RABGAP1: variants seen among roughly 807,000 people sequenced by gnomAD.
RABGAP1 encodes RAB GTPase activating protein 1, also known as rab GTPase-activating protein 1.
A neutral mutation model predicts 137.6 loss-of-function variants in RABGAP1; 23 were observed. The observed-to-expected ratio is 0.17, with a 90% CI of 0.12 to 0.24. RABGAP1 has a LOEUF of 0.24. Among genes scored for constraint, RABGAP1 ranks in the 10% least tolerant of loss-of-function variants. The pLI is 1.00. For synonymous variants in RABGAP1, 451 were observed against 450.7 expected, an observed-to-expected ratio of 1.00 and a Z score of -0.01; for missense variants, 906 against 1,275.8, an observed-to-expected ratio of 0.71 and a Z score of 4.42.
chr9:123,035,338 A>G, intron 13 of RABGAP1: 1 of 1,614,100 alleles, frequency 6.2e-7, no homozygotes, highest in South Asian at 1.1e-5. Context: ...GTTTCGAATC[A>G]CTAGTGTATT....
chr9:122,966,539 T>A (rs1018329597), intron 2 of RABGAP1, among the ~76,000 whole-genome samples: 20 of 151,582 alleles, frequency 1.3e-4, no homozygotes, highest in Non-Finnish European at 5.9e-5. Context: ...AATAAAAAAA[T>A]AAATAAAGCT....
At chr9:122,935,193 A>G in the RABGAP1 span, among the ~76,000 whole-genome samples, 1 of 152,146 alleles carries the variant, frequency 6.6e-6, no homozygotes, top group Admixed American at 6.5e-5. Flanking sequence ...TAGGTATTAC[A>G]CTCAACATCC....
Position 123,059,750 on chromosome 9 carries a change from G to T in RABGAP1, c.1795-5598G>T, listed in dbSNP as rs1356183250. On this transcript the variant is annotated intron_variant, in intron 13 of 25. Transcript: ENST00000373647. ...AACACAGCAAGCACATGCCACCTATGAGCTGCAAAGCGACCCTTCACCAAA... is the reference window on the plus strand; with the variant it reads ...AACACAGCAAGCACATGCCACCTATTAGCTGCAAAGCGACCCTTCACCAAA... 7.9e-5 allele frequency among the ~76,000 whole-genome samples: 12 copies of T among 152,178 alleles called. No individual in the cohort carries two copies. In the East Asian group the frequency reaches 2.3e-3, roughly 29 times the overall value.
chr9:123,035,824 A>T, intron 13 of RABGAP1: 1 of 485,156 alleles, frequency 2.1e-6, no homozygotes, highest in Non-Finnish European at 3.6e-6. Context: ...GAATTAGAAG[A>T]CTCAAGATCA....
At chr9:123,051,720 A>G (rs564208570) in intron 13 of RABGAP1, among the ~76,000 whole-genome samples, 1 of 151,772 alleles carries the variant, frequency 6.6e-6, no homozygotes, top group South Asian at 2.1e-4. Flanking sequence ...AATTTTAGTT[A>G]TAAGAGTCTA....
rs988859356 is a variant in RABGAP1 at position 123,005,077 on chromosome 9, A to C, written c.1375-5277A>C. Among the ~76,000 whole-genome samples the C allele has an allele frequency of 5.4e-5, 7 of 130,134 alleles. No homozygotes were observed. The South Asian group carries it at 1.0e-3, about 19-fold the overall frequency. The allele number at this position is 130,134 out of a possible 152,430, so 85.4% of individuals were successfully genotyped here. A position where few individuals can be genotyped will look rare whatever the true frequency, so the allele number is the denominator to read the frequency against. ...ATCTCAAAAAAAAAAAAAAAAAAAAACTAAAAAAGTCTTGCAGTTAATAAT... is the reference window on the plus strand; with the variant it reads ...ATCTCAAAAAAAAAAAAAAAAAAAACCTAAAAAAGTCTTGCAGTTAATAAT... On this transcript the variant is annotated intron_variant, in intron 10 of 25. Transcript: ENST00000373647.
At chr9:123,040,907 G>A (rs979011685) in intron 13 of RABGAP1, among the ~76,000 whole-genome samples, 4 of 152,114 alleles carry the variant, frequency 2.6e-5, no homozygotes, top group African/African-American at 9.7e-5. Flanking sequence ...CTGTTATTTT[G>A]CAGAGGAGAA....
intron 4 of RABGAP1, among the ~76,000 whole-genome samples, chr9:122,989,090 T>C (rs1836525012): frequency 6.6e-6 from 1 of 152,180 alleles, no homozygotes; most frequent in Admixed American, 6.5e-5. Flanking sequence ...TAAAACATGA[T>C]ACTATATGGT....
At chr9:122,986,454 C>T (rs1218651995) in intron 4 of RABGAP1, 35 bp downstream of exon 4, 1 of 1,582,968 alleles carries the variant, frequency 6.3e-7, no homozygotes, top group Non-Finnish European at 8.7e-7. Flanking sequence ...TCGATATTTA[C>T]ATCAGATCTC....
chr9:122,997,202 G>T (rs766114374), intron 8 of RABGAP1, 57 bp from the exon 9 acceptor site: 4 of 1,339,404 alleles, frequency 3.0e-6, no homozygotes, highest in Non-Finnish European at 4.2e-6. Flanking sequence ...CAAGATGGGG[G>T]TTAACTGTTG....
chr9:123,010,511 A>T lies in RABGAP1; in HGVS notation c.1532A>T (p.Glu511Val). 1 of 1,613,530 alleles carries T rather than the reference A, an allele frequency of 6.2e-7. No individual in the cohort carries two copies. The highest frequency in any genetic ancestry group is 8.5e-7 in the Non-Finnish European group (1 of 1,179,576). ...SQSSVIPSPP[E>V]DDEEEDNDEP... ...AGTTCAGTGATACCTTCTCCTCCAG[A>T]AGATGATGAAGAGGAAGGTAAACTG... Residue 511 changes from glutamate (E) to valine (V), a missense_variant, in exon 11 of 26, where the codon GAA (glutamate) becomes GTA (valine). Around this residue, in one of 9 missense-constraint regions of RABGAP1, gnomAD observed 212 missense variants for 289.4 expected, o/e 0.73. Transcript: ENST00000373647.
intron 2 of RABGAP1, among the ~76,000 whole-genome samples, chr9:122,966,781 C>G (rs939406270): frequency 6.6e-6 from 1 of 152,156 alleles, no homozygotes; most frequent in Non-Finnish European, 1.5e-5. Flanking sequence ...GTTTAATGGA[C>G]TTACAGTTCC....
In RABGAP1 at chr9:123,076,553, A is replaced by C. The variant is rs1364578646; in HGVS notation, c.2296-81A>C. 1.2e-5 allele frequency: 18 copies of C among 1,441,018 alleles called. 1 individual carries two copies. The East Asian group carries it at 4.2e-4, about 34-fold the overall frequency. 89.3% of individuals were successfully genotyped at this position (1,441,018 alleles called of 1,614,324 possible). On this transcript the variant is annotated intron_variant, in intron 18 of 25. Coordinates refer to ENST00000373647, the MANE Select transcript of RABGAP1 (RefSeq NM_012197.4). ...CTTCTGGGGATTGTAAAAGTGCTGAAAAGTGCTGAGAATATAAAAAACTTC... is the reference window on the plus strand; with the variant it reads ...CTTCTGGGGATTGTAAAAGTGCTGACAAGTGCTGAGAATATAAAAAACTTC...
At chr9:122,986,444 T>C in intron 4 of RABGAP1, 25 bp downstream of exon 4, 4 of 1,601,342 alleles carry the variant, frequency 2.5e-6, no homozygotes, top group Non-Finnish European at 3.4e-6. Context: ...TTGAAATCTT[T>C]CGATATTTAC....
chr9:123,019,166 A>G (rs773341692), intron 12 of RABGAP1, among the ~76,000 whole-genome samples: 10 of 152,252 alleles, frequency 6.6e-5, no homozygotes, highest in Admixed American at 1.3e-4. Context: ...ATGAAGTCCA[A>G]AGATTTCGAT....
intron 13 of RABGAP1, among the ~76,000 whole-genome samples, chr9:123,049,136 A>G (rs2033347619): frequency 6.6e-6 from 1 of 152,342 alleles, no homozygotes; most frequent in African/African-American, 2.4e-5. Flanking sequence ...CGTGTGGTAT[A>G]GATTGAACAT....
the RABGAP1 span, among the ~76,000 whole-genome samples, chr9:122,935,829 GCAT>G: frequency 6.6e-6 from 1 of 152,226 alleles, no homozygotes; most frequent in Non-Finnish European, 1.5e-5. Context: ...TTTCTCTTTA[GCAT>G]TTCTTGAAGG....
intron 13 of RABGAP1, among the ~76,000 whole-genome samples, chr9:123,047,564 A>ATACTT (rs1024401018): frequency 5.4e-4 from 83 of 152,298 alleles, no homozygotes; most frequent in Middle Eastern, 3.4e-3. Flanking sequence ...TTATAGCTTT[A>ATACTT]TACTTCTAAA....
At chr9:123,054,817 A>AT (rs765031640) in intron 13 of RABGAP1, among the ~76,000 whole-genome samples, 89 of 151,410 alleles carry the variant, frequency 5.9e-4, no homozygotes, top group Admixed American at 2.3e-3. Context: ...AATTTGTCTG[A>AT]TTTTTTTTTC....
Sources: gnomAD v4.1 joint callset for allele counts (sites outside exome capture counted in the v4.1 genomes callset) on GRCh38, gnomAD v4.1.1 for gene constraint, gnomAD v4.1.1 regional missense constraint, MANE v1.5 for transcripts, NCBI Gene and HGNC (gene_info 2026-07-23, HGNC 2026-07-21) for gene names.